The following ZFP64 variants were observed in gnomAD, a reference collection of about 807,000 sequenced individuals.
The protein encoded by ZFP64 is zinc finger protein 64.
A neutral mutation model predicts 51.6 loss-of-function variants in ZFP64; 14 were observed. That is an observed-to-expected ratio of 0.27 (90% CI 0.18 to 0.42). ZFP64 has a LOEUF of 0.42. Among genes scored for constraint, ZFP64 ranks in the 10% least tolerant of loss-of-function variants. ZFP64 has a pLI of 1.00. For missense variants in ZFP64, 754 were observed against 906.8 expected (o/e 0.83, Z 2.16); for synonymous variants, 375 against 361.4 (o/e 1.04, Z -0.43).
chr20:52,129,079 AAT>A (rs2122874994), intron 5 of ZFP64, among the ~76,000 whole-genome samples: 1 of 114,230 alleles, frequency 8.8e-6, no homozygotes, highest in Non-Finnish European at 1.9e-5. Context: ...ACTCCTGGCT[AAT>A]TTTTTTTTTT....
At chr20:52,112,239 A>G (rs1284130224) in intron 5 of ZFP64, among the ~76,000 whole-genome samples, 2 of 152,210 alleles carry the variant, frequency 1.3e-5, no homozygotes, top group African/African-American at 2.4e-5. Context: ...GTGAATTTAT[A>G]TATGTAAACA....
chr20:52,120,750 C>T (rs1979150442), intron 5 of ZFP64, among the ~76,000 whole-genome samples: 1 of 138,908 alleles, frequency 7.2e-6, no homozygotes, highest in South Asian at 2.4e-4. Flanking sequence ...GATCTCGGCT[C>T]ACTGCAACCT....
At chr20:52,105,300 G>T (rs1397685944) in intron 5 of ZFP64, 3 of 1,261,724 alleles carry the variant, frequency 2.4e-6, no homozygotes, top group Non-Finnish European at 2.0e-6. Flanking sequence ...ACGAATTCCC[G>T]GAGTTCGGAA....
In ZFP64 at chr20:52,152,416, A is replaced by C; in HGVS notation, c.1776T>G (p.Gly592=). ...GATTGCCAGAGCCTTCCTGGGGGCC[A>C]CCTGAGGCCGTGGGGATGAGAGTCT... The part of the protein sequence containing the change: ...LHQTLIPTAS[G]GPQEGSGNQT... Residue 592 remains glycine, a synonymous_variant, in exon 6 of 6, where the codon GGT becomes GGG. Transcript: ENST00000216923. The C allele has an allele frequency of 6.2e-7, 1 of 1,614,158 alleles. No individual in the cohort carries two copies. Among genetic ancestry groups the C allele is most frequent in the East Asian group, 2.2e-5 (1 of 44,870 alleles).
intron 5 of ZFP64, chr20:52,110,586 G>A (rs1306839591): frequency 4.1e-6 from 3 of 729,746 alleles, no homozygotes; most frequent in East Asian, 5.0e-5. Flanking sequence ...GCTGCTTCCA[G>A]AGGGCCTAGC....
intron 5 of ZFP64, among the ~76,000 whole-genome samples, chr20:52,115,087 C>G (rs1161853825): frequency 6.6e-6 from 1 of 151,600 alleles, no homozygotes; most frequent in Non-Finnish European, 1.5e-5. Context: ...CGCCTGTAGT[C>G]CCAGGTACTG....
intron 5 of ZFP64, among the ~76,000 whole-genome samples, chr20:52,135,145 T>C (rs897119136): frequency 2.0e-5 from 3 of 152,178 alleles, no homozygotes; most frequent in African/African-American, 4.8e-5. Context: ...ATTACAGGTG[T>C]GAGCCACTGT....
chr20:52,088,709 A>C lies in ZFP64; in HGVS notation c.977-66T>G, dbSNP rs554996342. Reference sequence around the variant, plus strand: ...CAAGATGGCTACAAAGATTTGACCAAGATGATAGCCTGGGCATATGGGTGT... The same window carrying C: ...CAAGATGGCTACAAAGATTTGACCACGATGATAGCCTGGGCATATGGGTGT... On this transcript the variant is annotated intron_variant, in intron 7 of 8. Transcript: ENST00000361387. 34 of 1,607,240 alleles carry C rather than the reference A, an allele frequency of 2.1e-5. No homozygotes were observed. In the African/African-American group the frequency reaches 4.4e-4, roughly 21 times the overall value.
intron 5 of ZFP64, among the ~76,000 whole-genome samples, chr20:52,130,073 C>T (rs1333374005): frequency 6.6e-6 from 1 of 152,166 alleles, no homozygotes; most frequent in African/African-American, 2.4e-5. Context: ...TCCCTCATTC[C>T]AGTCTTTGTT....
In ZFP64 at chr20:52,153,268, G is replaced by C. The variant is rs143459892; in HGVS notation, c.924C>G (p.Ile308Met). ...ACTTGAAGTTATTCCCGCTGTGCTT[G>C]ATACGGATGTGCGACTTGAGGTTCC... ...MKGNLKSHIRIKHSGNNFKCP... is the reference protein window; with the variant it reads ...MKGNLKSHIRMKHSGNNFKCP... Residue 308 changes from isoleucine to methionine, a missense_variant, in exon 6 of 6, where the codon ATC becomes ATG. Ile to Met is a conservative substitution (Grantham distance 10). Transcript: ENST00000216923. The surrounding 1 kb of genome is among the most constrained non-coding windows in gnomAD (Gnocchi z 5.1). 6.2e-7 allele frequency: 1 copy of C among 1,614,234 alleles called. No individual in the cohort carries two copies. Among genetic ancestry groups the C allele is most frequent in the South Asian group, 1.1e-5 (1 of 91,086 alleles).
Position 52,134,186 on chromosome 20 carries a change from T to A in ZFP64, c.763+25937A>T, listed in dbSNP as rs114420589. Among the ~76,000 whole-genome samples, 562 of 152,156 alleles carry A rather than the reference T, an allele frequency of 3.7e-3. 3 individuals carry two copies. The highest frequency in any genetic ancestry group is 0.012 in the African/African-American group (505 of 41,498). On this transcript the variant is annotated intron_variant, in intron 5 of 8. Transcript: ENST00000361387. ...AAGGCCCTTTTTAAGTCCCTGTATT[T>A]GTAATTTTACATTTTTTAAAAAAAA...
chr20:52,093,842 T>C (rs2078955917), intron 7 of ZFP64, among the ~76,000 whole-genome samples: 1 of 152,216 alleles, frequency 6.6e-6, no homozygotes, highest in Admixed American at 6.5e-5. Context: ...TCCTGCATTT[T>C]GATCTACCAA....
chr20:52,137,638 G>C (rs1980041723), intron 5 of ZFP64, among the ~76,000 whole-genome samples: 1 of 152,144 alleles, frequency 6.6e-6, no homozygotes, highest in Non-Finnish European at 1.5e-5. Context: ...AATCTAAATG[G>C]AGATGGTCAA....
intron 5 of ZFP64, among the ~76,000 whole-genome samples, chr20:52,112,551 C>T (rs1978646993): frequency 1.3e-5 from 2 of 151,786 alleles, no homozygotes; most frequent in South Asian, 4.2e-4. Flanking sequence ...AGTATCAATA[C>T]AATGTTGTTT....
chr20:52,164,887 T>A (rs1480846329), intron 3 of ZFP64, 130 bp from the exon 4 acceptor site: 1 of 765,104 alleles, frequency 1.3e-6, no homozygotes, highest in African/African-American at 1.7e-5. Flanking sequence ...AGAGATCTCA[T>A]GTGCCTTCAT....
chr20:52,139,201 T>A (rs1002101098), intron 5 of ZFP64, among the ~76,000 whole-genome samples: 1 of 152,156 alleles, frequency 6.6e-6, no homozygotes, highest in Non-Finnish European at 1.5e-5. Flanking sequence ...CAAAGACACA[T>A]GCACGCATAC....
chr20:52,092,227 A>G (rs1001894409), intron 7 of ZFP64, among the ~76,000 whole-genome samples: 1 of 152,178 alleles, frequency 6.6e-6, no homozygotes, highest in African/African-American at 2.4e-5. Context: ...TAATCTCAAC[A>G]CTATTAGAAA....
At chr20:52,190,101 G>C (rs1342049124) in intron 1 of ZFP64, among the ~76,000 whole-genome samples, 1 of 152,176 alleles carries the variant, frequency 6.6e-6, no homozygotes, top group Admixed American at 6.6e-5. Flanking sequence ...AGGAGACTGG[G>C]CTGAGCACTG....
chr20:52,134,333 A>G (rs1421303274), intron 5 of ZFP64, among the ~76,000 whole-genome samples: 1 of 152,172 alleles, frequency 6.6e-6, no homozygotes, highest in Non-Finnish European at 1.5e-5. Context: ...CTGTTTCTGG[A>G]AGCCAAGCCT....
Sources: gnomAD v4.1 joint callset for allele counts (sites outside exome capture counted in the v4.1 genomes callset) on GRCh38, gnomAD v4.1.1 for gene constraint, Gnocchi (gnomAD v3.1) non-coding constraint, MANE v1.5 for transcripts, NCBI Gene and HGNC (gene_info 2026-07-23, HGNC 2026-07-21) for gene names.